SDR9C7: variants seen among roughly 807,000 people sequenced by gnomAD.
SDR9C7 encodes the protein short chain dehydrogenase/reductase family 9C member 7.
SDR9C7 carries 11 observed loss-of-function variants against 23.6 expected under a neutral mutation model. The observed-to-expected ratio is 0.47, with a 90% CI of 0.29 to 0.77. The LOEUF (loss-of-function observed/expected upper bound fraction) is 0.77, where lower values mean the gene tolerates loss of function less well. SDR9C7 is among the 30% of genes least tolerant of loss of function. SDR9C7 has a pLI of 0.09. For synonymous variants in SDR9C7, 167 were observed against 157.3 expected (o/e 1.06, Z -0.46); for missense variants, 387 against 407.1 (o/e 0.95, Z 0.42).
intron 3 of SDR9C7, among the ~76,000 whole-genome samples, chr12:56,925,977 A>G (rs1955731333): frequency 6.6e-6 from 1 of 152,162 alleles, no homozygotes; most frequent in Non-Finnish European, 1.5e-5. Context: ...TCTCAAATAG[A>G]TATTAGCTGC....
intron 2 of SDR9C7, among the ~76,000 whole-genome samples, 169 bp downstream of exon 2, chr12:56,930,057 T>C (rs1254803050): frequency 1.3e-5 from 2 of 152,166 alleles, no homozygotes; most frequent in Non-Finnish European, 2.9e-5. Context: ...CCTCTTCTCC[T>C]CATCCCTGCT....
rs1357966684 is a variant in SDR9C7 at position 56,933,965 on chromosome 12, T to C, written c.297A>G (p.Glu99=). The change falls in exon 1 of 4, where the codon GAA becomes GAG. Residue 99 remains glutamate (E), a synonymous_variant. Coordinates refer to ENST00000293502, the MANE Select transcript of SDR9C7 (RefSeq NM_148897.3). ...AAAGAATGTAATTCGCCCCACCTTG[T>C]TCGCCCACTTTGTCCCTCACCCACT... ...AAQWVRDKVG[E]QGLWALVNNA... is the part of the protein sequence containing the mutation. The C allele has an allele frequency of 6.2e-7, 1 of 1,604,974 alleles. No individual in the cohort carries two copies. The highest frequency in any genetic ancestry group is 8.5e-7 in the Non-Finnish European group (1 of 1,172,734).
At chr12:56,931,851 C>T (rs990568826) in intron 1 of SDR9C7, among the ~76,000 whole-genome samples, 2 of 152,176 alleles carry the variant, frequency 1.3e-5, no homozygotes, top group African/African-American at 2.4e-5. Flanking sequence ...CCCACTGTCT[C>T]CTGAGGGCAG....
chr12:56,930,761 G>A (rs1955764321), intron 1 of SDR9C7, among the ~76,000 whole-genome samples: 1 of 152,194 alleles, frequency 6.6e-6, no homozygotes, highest in Non-Finnish European at 1.5e-5. Context: ...TCAGCTTTGG[G>A]ATAAGAGTTT....
At chr12:56,929,348 C>T (rs1955752546) in intron 3 of SDR9C7, 42 bp downstream of exon 3, 1 of 1,583,844 alleles carries the variant, frequency 6.3e-7, no homozygotes, top group Non-Finnish European at 8.7e-7. Context: ...CCAAGACCCA[C>T]TCGCCCCCCT....
chr12:56,930,152 C>G, intron 2 of SDR9C7, 74 bp downstream of exon 2: 1 of 1,542,906 alleles, frequency 6.5e-7, no homozygotes, highest in Admixed American at 1.7e-5. Flanking sequence ...CCCCTGCCCA[C>G]ATGCTGTCAC....
chr12:56,931,882 C>G (rs1955770754), intron 1 of SDR9C7, among the ~76,000 whole-genome samples: 1 of 152,130 alleles, frequency 6.6e-6, no homozygotes, highest in African/African-American at 2.4e-5. Context: ...AAACATAAAT[C>G]CTAGTCCACC....
chr12:56,924,303 C>T (rs909239578), intron 3 of SDR9C7, among the ~76,000 whole-genome samples: 14 of 152,148 alleles, frequency 9.2e-5, no homozygotes, highest in Admixed American at 7.9e-4. Context: ...GTGGCACATG[C>T]CTGTAATCCC....
intron 3 of SDR9C7, among the ~76,000 whole-genome samples, chr12:56,928,886 C>T (rs1305738692): frequency 6.6e-6 from 1 of 152,194 alleles, no homozygotes; most frequent in Non-Finnish European, 1.5e-5. Context: ...TCATTTTCTT[C>T]TTTATTAACA....
chr12:56,930,821 C>T (rs1485436063), intron 1 of SDR9C7, among the ~76,000 whole-genome samples: 1 of 152,248 alleles, frequency 6.6e-6, no homozygotes, highest in Admixed American at 6.5e-5. Context: ...CATCATACTT[C>T]TCCCTCTCTA....
At chr12:56,927,573 G>A (rs371463553) in intron 3 of SDR9C7, among the ~76,000 whole-genome samples, 14 of 152,308 alleles carry the variant, frequency 9.2e-5, no homozygotes, top group South Asian at 4.1e-4. Context: ...TCCCCTGGGC[G>A]CAGTGATTGG....
Position 56,934,183 on chromosome 12 carries a change from A to C in SDR9C7, c.79T>G (p.Tyr27Asp). ...CNLVGNLSEK[Y>D]VFITGCDSGF... Reference sequence around the variant, plus strand: ...GAGTCACAGCCTGTGATGAAGACGTACTTCTCTGAGAGGTTGCCAACCAGA... The same window carrying C: ...GAGTCACAGCCTGTGATGAAGACGTCCTTCTCTGAGAGGTTGCCAACCAGA... Residue 27 changes from tyrosine to aspartate, a missense_variant, in exon 1 of 4, where the codon TAC becomes GAC. Transcript: ENST00000293502. 1 of 1,614,206 alleles carries C rather than the reference A, an allele frequency of 6.2e-7. No homozygotes were observed. The highest frequency in any genetic ancestry group is 8.5e-7 in the Non-Finnish European group (1 of 1,180,036).
chr12:56,931,876 A>G (rs941141301), intron 1 of SDR9C7, among the ~76,000 whole-genome samples: 1 of 152,076 alleles, frequency 6.6e-6, no homozygotes, highest in African/African-American at 2.4e-5. Flanking sequence ...CAACACAAAC[A>G]TAAATCCTAG....
At position 56,934,369 on chromosome 12, in the gene SDR9C7, A is replaced by G; in HGVS notation, c.-108T>C. The G allele has an allele frequency of 2.2e-6, 2 of 904,936 alleles. No individual in the cohort carries two copies. Among genetic ancestry groups the G allele is most frequent in the Non-Finnish European group, 3.4e-6 (2 of 596,678 alleles). 56.1% of individuals were successfully genotyped at this position (904,936 alleles called of 1,614,324 possible). On this transcript the variant is annotated 5_prime_UTR_variant, in exon 1 of 4. Coordinates refer to ENST00000293502, the MANE Select transcript of SDR9C7 (RefSeq NM_148897.3). Reference sequence around the variant, plus strand: ...CAGTCTGCAGGAAACCACCTGGAAGAAGAACTCTCCTTCCTCCCACAGCTT... The same window carrying G: ...CAGTCTGCAGGAAACCACCTGGAAGGAGAACTCTCCTTCCTCCCACAGCTT...
At chr12:56,925,819 T>G (rs2136366748) in intron 3 of SDR9C7, among the ~76,000 whole-genome samples, 1 of 152,074 alleles carries the variant, frequency 6.6e-6, no homozygotes, top group South Asian at 2.1e-4. Flanking sequence ...AGGGAAAGCT[T>G]TGTGGGCTGA....
At chr12:56,933,752 G>A (rs969556680) in intron 1 of SDR9C7, among the ~76,000 whole-genome samples, 1 of 152,134 alleles carries the variant, frequency 6.6e-6, no homozygotes, top group African/African-American at 2.4e-5. Context: ...GAGTTTCCAG[G>A]ACAGAAAACT....
Position 56,923,887 on chromosome 12 carries a change from A to G in SDR9C7, c.888T>C (p.Pro296=), listed in dbSNP as rs1190685512. The change falls in exon 4 of 4, where the codon CCT becomes CCC. Residue 296 remains proline, a synonymous_variant. Coordinates refer to ENST00000293502, the MANE Select transcript of SDR9C7 (RefSeq NM_148897.3). ...LYIPLAKLPT[P]VTDFILSRYL... ...ACCGGCTTAGGATGAAATCTGTCAC[A>G]GGGGTGGGCAACTTAGCCAGAGGGA... The G allele has an allele frequency of 1.2e-6, 2 of 1,614,064 alleles. No individual in the cohort carries two copies. The highest frequency in any genetic ancestry group is 8.5e-7 in the Non-Finnish European group (1 of 1,179,964).
intron 1 of SDR9C7, among the ~76,000 whole-genome samples, chr12:56,931,337 C>T (rs1955767273): frequency 6.6e-6 from 1 of 151,666 alleles, no homozygotes; most frequent in East Asian, 1.9e-4. Context: ...AGCATCTTAT[C>T]CCTCAAGGAA....
In SDR9C7 at chr12:56,934,353, G is replaced by T. The variant is rs1955786210; in HGVS notation, c.-92C>A. ...TCTGAGCCCTAGCAGGCAGTCTGCA[G>T]GAAACCACCTGGAAGAAGAACTCTC... On this transcript the variant is annotated 5_prime_UTR_variant, in exon 1 of 4. The change creates a new upstream start codon in the 5' untranslated region. Coordinates refer to ENST00000293502, the MANE Select transcript of SDR9C7 (RefSeq NM_148897.3). The T allele has an allele frequency of 1.8e-6, 2 of 1,101,274 alleles. No individual in the cohort carries two copies. Among genetic ancestry groups the T allele is most frequent in the African/African-American group, 3.1e-5 (2 of 64,060 alleles). 68.2% of individuals were successfully genotyped at this position (1,101,274 alleles called of 1,614,324 possible). A position where few individuals can be genotyped will look rare whatever the true frequency, so the allele number is the denominator to read the frequency against.
Sources: allele counts gnomAD v4.1 joint callset (sites outside exome capture counted in the v4.1 genomes callset), GRCh38; gene constraint gnomAD v4.1.1; transcripts MANE v1.5; gene names NCBI Gene and HGNC (gene_info 2026-07-23, HGNC 2026-07-21).